PIK3R5: variants seen among roughly 807,000 people sequenced by gnomAD.
PIK3R5 encodes the protein phosphoinositide-3-kinase regulatory subunit 5, also known as phosphoinositide 3-kinase regulatory subunit 5.
Under a neutral mutation model 94.9 loss-of-function variants are expected in PIK3R5, and 32 were observed. That is an observed-to-expected ratio of 0.34 (90% CI 0.25 to 0.45). PIK3R5 has a LOEUF of 0.45. Ranked by LOEUF, PIK3R5 falls within the 20% of genes least tolerant of loss-of-function variation. The pLI is 1.00. For missense variants in PIK3R5, 853 were observed against 1,144.6 expected (o/e 0.75, Z 3.68); for synonymous variants, 443 against 479.4 (o/e 0.92, Z 0.99).
rs373131465 is a variant in PIK3R5, at chr17:8,923,461, C to T, written c.-13-11954G>A. Among the ~76,000 whole-genome samples the T allele has an allele frequency of 1.5e-3, 221 of 152,262 alleles. 1 individual carries two copies. The highest frequency in any genetic ancestry group is 4.6e-3 in the African/African-American group (192 of 41,550). ...CCCCATTTTACAGATGAGGAGACTG[C>T]GGTACAGAGTATTCTCTCAGCTGGT... On this transcript the variant is annotated intron_variant, in intron 1 of 18. Transcript: ENST00000447110.
chr17:8,964,148 T>C (rs548484173), intron 1 of PIK3R5, among the ~76,000 whole-genome samples: 147 of 152,200 alleles, frequency 9.7e-4, no homozygotes, highest in African/African-American at 3.2e-3. Flanking sequence ...CCCAGCACTT[T>C]GGAAGGCCAA....
At chr17:8,917,232 G>A (rs556015048) in intron 1 of PIK3R5, among the ~76,000 whole-genome samples, 19 of 152,292 alleles carry the variant, frequency 1.2e-4, no homozygotes, top group African/African-American at 4.6e-4. Context: ...GATGAGGGAG[G>A]AACAGCACTT....
rs567695632 is a variant in PIK3R5 at position 8,887,780 on chromosome 17, GC to G, written c.1617-98del. ...GGCTGAGGTGGGTGGATCACCCGAGGCCAGGAGTTCAAGACCAGCCTGGTCA... is the reference window on the plus strand; with the variant it reads ...GGCTGAGGTGGGTGGATCACCCGAGGCAGGAGTTCAAGACCAGCCTGGTCA... On this transcript the variant is annotated intron_variant, in intron 10 of 18. Coordinates refer to ENST00000447110, the MANE Select transcript of PIK3R5 (RefSeq NM_001142633.3). The G allele has an allele frequency of 1.3e-4, 154 of 1,171,524 alleles. 2 individuals are homozygous for G. In the South Asian group the frequency reaches 2.2e-3, roughly 17 times the overall value. 72.6% of individuals were successfully genotyped at this position (1,171,524 alleles called of 1,614,324 possible).
At chr17:8,886,382 C>T in intron 13 of PIK3R5, 60 bp from the exon 14 acceptor site, 2 of 1,603,450 alleles carry the variant, frequency 1.2e-6, no homozygotes, top group South Asian at 1.1e-5. Context: ...CATTTGGCTC[C>T]TCCAGCATAG....
At chr17:8,928,385 A>G (rs2090928543) in intron 1 of PIK3R5, among the ~76,000 whole-genome samples, 1 of 152,252 alleles carries the variant, frequency 6.6e-6, no homozygotes, top group Non-Finnish European at 1.5e-5. Flanking sequence ...AAAATATATA[A>G]AACTACAGTT....
Position 8,884,335 on chromosome 17 carries a change from C to T in PIK3R5, c.2205+372G>A, listed in dbSNP as rs1316734465. Among the ~76,000 whole-genome samples the T allele has an allele frequency of 2.0e-5, 3 of 152,130 alleles. No homozygotes were observed. Among genetic ancestry groups the T allele is most frequent in the Admixed American group, 2.0e-4 (3 of 15,280 alleles). On this transcript the variant is annotated intron_variant, in intron 15 of 18. Transcript: ENST00000447110. This position sits in a 1 kb window ranked among gnomAD's most constrained non-coding sequence, Gnocchi z 5.8. The stretch of plus-strand genomic sequence containing the variant: ...TCTCACGCCAATCCCATCTTGCATG[C>T]AGCCTGCCAGGCACACTGGCCCCCC...
intron 1 of PIK3R5, among the ~76,000 whole-genome samples, chr17:8,960,990 C>G (rs775287378): frequency 2.1e-4 from 32 of 152,120 alleles, no homozygotes; most frequent in Non-Finnish European, 4.0e-4. Context: ...CAGGCCATAG[C>G]TGTGCCAGGT....
intron 1 of PIK3R5, among the ~76,000 whole-genome samples, chr17:8,938,530 C>T (rs750161545): frequency 6.6e-6 from 1 of 152,198 alleles, no homozygotes; most frequent in Non-Finnish European, 1.5e-5. Flanking sequence ...TTAGCAATCA[C>T]TCTCCATTCT....
rs4791765 is a variant in PIK3R5, at chr17:8,881,044, A to G, written c.2383-27T>C. ...TGGAAGGAAGGCCCAGGTCAGCCCCAAATCCCTGGCCATCCAACACTGCCA... is the reference window on the plus strand; with the variant it reads ...TGGAAGGAAGGCCCAGGTCAGCCCCGAATCCCTGGCCATCCAACACTGCCA... On this transcript the variant is annotated intron_variant, in intron 17 of 18. Transcript: ENST00000447110. This position sits in a 1 kb window ranked among gnomAD's most constrained non-coding sequence, Gnocchi z 4.8. The G allele has an allele frequency of 0.3, 469,654 of 1,561,406 alleles. 74,564 individuals carry two copies. The highest frequency in any genetic ancestry group is 0.35 in the African/African-American group (25,899 of 73,868).
intron 1 of PIK3R5, among the ~76,000 whole-genome samples, chr17:8,938,397 C>T (rs571455550): frequency 1.6e-4 from 24 of 152,238 alleles, no homozygotes; most frequent in African/African-American, 5.5e-4. Context: ...ATTCATGTAA[C>T]GTAAACTCAA....
intron 1 of PIK3R5, among the ~76,000 whole-genome samples, chr17:8,952,776 G>A (rs1461593943): frequency 6.6e-6 from 1 of 152,208 alleles, no homozygotes; most frequent in African/African-American, 2.4e-5. Flanking sequence ...CTACTGAGCA[G>A]ATCTTCGGAG....
At chr17:8,962,030 G>A (rs562675648) in intron 1 of PIK3R5, among the ~76,000 whole-genome samples, 2 of 152,310 alleles carry the variant, frequency 1.3e-5, no homozygotes, top group Non-Finnish European at 2.9e-5. Context: ...TGTGTTGTAT[G>A]GGGCATGCGC....
rs202162578 is a variant in PIK3R5, at chr17:8,886,337, A to G, written c.2035-15T>C. The stretch of plus-strand genomic sequence containing the variant: ...ATGAAGGTCAGCTGGAGAGGGCAGG[A>G]GCATGTACATCAGTGTGAACCTCCT... On this transcript the variant is annotated splice_polypyrimidine_tract_variant and intron_variant, in intron 13 of 18. Transcript: ENST00000447110. The G allele has an allele frequency of 8.7e-6, 14 of 1,608,844 alleles. No individual in the cohort carries two copies. The highest frequency in any genetic ancestry group is 6.7e-5 in the Admixed American group (4 of 59,994).
chr17:8,918,045 C>A (rs182374655), intron 1 of PIK3R5, among the ~76,000 whole-genome samples: 1 of 152,238 alleles, frequency 6.6e-6, no homozygotes, highest in African/African-American at 2.4e-5. Flanking sequence ...AGTATGAACT[C>A]ATGGTTTTTA....
Position 8,911,309 on chromosome 17 carries a change from T to G in PIK3R5, c.103+83A>C. 1 of 1,097,126 alleles carries G rather than the reference T, an allele frequency of 9.1e-7. No homozygotes were observed. The highest frequency in any genetic ancestry group is 1.4e-6 in the Non-Finnish European group (1 of 738,116). The allele number at this position is 1,097,126 out of a possible 1,614,324, so 68.0% of individuals were successfully genotyped here. On this transcript the variant is annotated intron_variant, in intron 2 of 18. Transcript: ENST00000447110. This position sits in a 1 kb window ranked among gnomAD's most constrained non-coding sequence, Gnocchi z 5.3. Reference sequence around the variant, plus strand: ...CAGGGTTTCACCTAGAATTTGCCAGTTTCCATGCCTGGTCCAGTGCCCACC... The same window carrying G: ...CAGGGTTTCACCTAGAATTTGCCAGGTTCCATGCCTGGTCCAGTGCCCACC...
chr17:8,891,338 T>C (rs1193044333), intron 6 of PIK3R5, among the ~76,000 whole-genome samples: 1 of 152,066 alleles, frequency 6.6e-6, no homozygotes, highest in Non-Finnish European at 1.5e-5. Flanking sequence ...TGCTGTGCAG[T>C]GTGGTCTGGG....
chr17:8,888,420 G>T lies in PIK3R5; in HGVS notation c.1367C>A (p.Ala456Glu). Residue 456 changes from alanine to glutamate, a missense_variant, in exon 10 of 19, where the codon GCA (alanine) becomes GAA (glutamate). Physicochemically the swap from Ala to Glu is moderately radical, Grantham distance 107. Around this residue, in one of 6 missense-constraint regions of PIK3R5, gnomAD observed 319 missense variants for 339.8 expected, o/e 0.94. Coordinates refer to ENST00000447110, the MANE Select transcript of PIK3R5 (RefSeq NM_001142633.3). This position sits in a 1 kb window ranked among gnomAD's most constrained non-coding sequence, Gnocchi z 7.8. ...SSDTALPLRR[A>E]GSLCSPLDEP... is the part of the protein sequence containing the mutation. ...GTCCAGGGGGCTGCAGAGGCTCCCT[G>T]CCCGCCTCAGGGGCAGGGCCGTGTC... The T allele has an allele frequency of 6.4e-7, 1 of 1,571,970 alleles. No homozygotes were observed.
At chr17:8,957,885 C>T (rs1363221040) in intron 1 of PIK3R5, among the ~76,000 whole-genome samples, 4 of 152,168 alleles carry the variant, frequency 2.6e-5, no homozygotes, top group East Asian at 3.8e-4. Flanking sequence ...GCTCATTCCC[C>T]GCTCTATAAG....
chr17:8,915,253 T>A (rs1043386839), intron 1 of PIK3R5, among the ~76,000 whole-genome samples: 2 of 151,712 alleles, frequency 1.3e-5, no homozygotes, highest in African/African-American at 2.4e-5. Context: ...GGAAACCCTG[T>A]CTCTACTAAA....
Sources: gnomAD v4.1 joint callset for allele counts (sites outside exome capture counted in the v4.1 genomes callset) on GRCh38, gnomAD v4.1.1 for gene constraint, gnomAD v4.1.1 regional missense constraint, Gnocchi (gnomAD v3.1) non-coding constraint, MANE v1.5 for transcripts, NCBI Gene and HGNC (gene_info 2026-07-23, HGNC 2026-07-21) for gene names.